NAALADL2: variants seen among roughly 807,000 people sequenced by gnomAD.
NAALADL2 encodes the protein inactive N-acetylated-alpha-linked acidic dipeptidase-like protein 2.
In NAALADL2, 76 loss-of-function variants were observed where a neutral mutation model predicts 87.2. That is an observed-to-expected ratio of 0.87 (90% CI 0.72 to 1.05). NAALADL2 has a LOEUF of 1.05. Among genes scored for constraint, NAALADL2 ranks in the 50% least tolerant of loss-of-function variants. The probability of loss-of-function intolerance (pLI) is 0.00; values close to 1 mark genes in which losing one functional copy is unlikely to be tolerated. For synonymous variants in NAALADL2, 354 were observed against 331.0 expected (o/e 1.07, Z -0.75); for missense variants, 1,089 against 945.8 (o/e 1.15, Z -1.99).
chr3:175,094,501 A>T (rs1435304591), intron 1 of NAALADL2, among the ~76,000 whole-genome samples: 6 of 151,832 alleles, frequency 4.0e-5, no homozygotes, highest in Non-Finnish European at 5.9e-5. Context: ...CTGTCACCTA[A>T]CCTATCTGAA....
At chr3:174,657,753 T>G (rs1725117428) in intron 2 of NAALADL2, among the ~76,000 whole-genome samples, 1 of 152,200 alleles carries the variant, frequency 6.6e-6, no homozygotes, top group Non-Finnish European at 1.5e-5. Context: ...GTATTTCCAC[T>G]GCCCTAGAAA....
At chr3:175,156,479 A>G (rs903105832) in intron 2 of NAALADL2, among the ~76,000 whole-genome samples, 4 of 152,106 alleles carry the variant, frequency 2.6e-5, no homozygotes, top group African/African-American at 9.7e-5. Context: ...TTTTTATTTG[A>G]ACACTATGTT....
chr3:174,661,175 G>A (rs1232646908), intron 2 of NAALADL2, among the ~76,000 whole-genome samples: 3 of 152,150 alleles, frequency 2.0e-5, no homozygotes, highest in Non-Finnish European at 4.4e-5. Flanking sequence ...ATCTTGGCCA[G>A]ATGGGTTTTG....
intron 8 of NAALADL2, among the ~76,000 whole-genome samples, chr3:175,468,597 T>C (rs569804286): frequency 6.6e-6 from 1 of 152,198 alleles, no homozygotes; most frequent in South Asian, 2.1e-4. Flanking sequence ...AGATGTATTT[T>C]GCTATTTCAA....
intron 1 of NAALADL2, among the ~76,000 whole-genome samples, chr3:174,498,573 T>C (rs1328469615): frequency 6.6e-6 from 1 of 150,720 alleles, no homozygotes; most frequent in African/African-American, 2.4e-5. Flanking sequence ...AATGGCAGGA[T>C]TGCATAATAT....
chr3:174,722,683 T>C (rs980775821), intron 2 of NAALADL2, among the ~76,000 whole-genome samples: 2 of 152,192 alleles, frequency 1.3e-5, no homozygotes, highest in African/African-American at 2.4e-5. Flanking sequence ...GTCTGGGCGA[T>C]AGAGTGAGAC....
chr3:175,762,572 C>A (rs115393907), intron 13 of NAALADL2, among the ~76,000 whole-genome samples: 3 of 152,062 alleles, frequency 2.0e-5, no homozygotes, highest in Admixed American at 6.6e-5. Flanking sequence ...CAAAGCTCCC[C>A]CATATCGCTA....
At chr3:174,869,553 G>A (rs1200064699) in intron 1 of NAALADL2, among the ~76,000 whole-genome samples, 3 of 152,094 alleles carry the variant, frequency 2.0e-5, no homozygotes, top group African/African-American at 7.2e-5. Context: ...ACAGAGAGTC[G>A]GTAATGGAGC....
At chr3:175,165,821 G>A (rs146451788) in intron 2 of NAALADL2, among the ~76,000 whole-genome samples, 63 of 151,996 alleles carry the variant, frequency 4.1e-4, no homozygotes, top group African/African-American at 5.8e-4. Flanking sequence ...GAGACACCTC[G>A]GATTCCAGGG....
At chr3:175,123,684 T>C (rs980491878) in intron 2 of NAALADL2, among the ~76,000 whole-genome samples, 2 of 151,914 alleles carry the variant, frequency 1.3e-5, no homozygotes, top group Non-Finnish European at 2.9e-5. Context: ...CTTCTGTATC[T>C]CTAGTGAATA....
rs2149772391 is a variant in NAALADL2, at chr3:175,645,332, G to T, written c.1896+17946G>T. ...ACACAACATTGGTTGAAGATAATAT[G>T]GTAGTAAACAAAAGAGGAATGACTA... On this transcript the variant is annotated intron_variant, in intron 11 of 13. Coordinates refer to ENST00000454872, the MANE Select transcript of NAALADL2 (RefSeq NM_207015.3). Among the ~76,000 whole-genome samples, 4 of 152,142 alleles carry T rather than the reference G, an allele frequency of 2.6e-5. 2 individuals carry two copies. In the Middle Eastern group the frequency reaches 0.014, roughly 517 times the overall value.
intron 11 of NAALADL2, among the ~76,000 whole-genome samples, chr3:175,643,074 C>T (rs773537177): frequency 1.3e-5 from 2 of 152,106 alleles, no homozygotes; most frequent in Non-Finnish European, 2.9e-5. Context: ...GTGTATTTGA[C>T]TTAAAAGAAT....
intron 13 of NAALADL2, among the ~76,000 whole-genome samples, chr3:175,758,227 C>A (rs1747526636): frequency 6.6e-6 from 1 of 151,934 alleles, no homozygotes; most frequent in Non-Finnish European, 1.5e-5. Flanking sequence ...ATTATGCAAG[C>A]CTCAAAGTGT....
intron 9 of NAALADL2, among the ~76,000 whole-genome samples, chr3:175,546,398 TAATG>T (rs1176771350): frequency 6.6e-6 from 1 of 152,124 alleles, no homozygotes; most frequent in Non-Finnish European, 1.5e-5. Context: ...CATTTAAGAT[TAATG>T]TTGATATGTG....
intron 3 of NAALADL2, among the ~76,000 whole-genome samples, chr3:174,820,121 G>A (rs1187118728): frequency 6.6e-6 from 1 of 152,028 alleles, no homozygotes; most frequent in East Asian, 1.9e-4. Flanking sequence ...TTGATAAGTA[G>A]GAATCACTTC....
chr3:174,977,481 A>G (rs1579825107), intron 1 of NAALADL2, among the ~76,000 whole-genome samples: 1 of 152,212 alleles, frequency 6.6e-6, no homozygotes, highest in Non-Finnish European at 1.5e-5. Flanking sequence ...ATTCTTCACT[A>G]TAAATTAGTG....
intron 1 of NAALADL2, among the ~76,000 whole-genome samples, chr3:174,866,499 CT>C (rs1379193313): frequency 7.2e-5 from 11 of 151,818 alleles, no homozygotes; most frequent in African/African-American, 2.7e-4. Context: ...CATATTTACA[CT>C]GTTAAAACTT....
chr3:175,686,611 C>G (rs1052759340), intron 11 of NAALADL2, among the ~76,000 whole-genome samples: 6 of 151,892 alleles, frequency 4.0e-5, no homozygotes, highest in African/African-American at 1.2e-4. Context: ...ACATTATTAG[C>G]TTTAGATTAT....
intron 2 of NAALADL2, among the ~76,000 whole-genome samples, chr3:174,716,636 A>G (rs1731215770): frequency 6.6e-6 from 1 of 151,898 alleles, no homozygotes; most frequent in African/African-American, 2.4e-5. Flanking sequence ...ATTCCAGGCT[A>G]AGATTAAAAA....
Sources: allele counts gnomAD v4.1 joint callset (sites outside exome capture counted in the v4.1 genomes callset), GRCh38; gene constraint gnomAD v4.1.1; transcripts MANE v1.5; gene names NCBI Gene and HGNC (gene_info 2026-07-23, HGNC 2026-07-21).